SLC5A1: variants seen among roughly 807,000 people sequenced by gnomAD.
The protein encoded by SLC5A1 is sodium/glucose cotransporter 1.
SLC5A1 carries 42 observed loss-of-function variants against 73.5 expected under a neutral mutation model. That is an observed-to-expected ratio of 0.57 (90% CI 0.45 to 0.74). SLC5A1 has a LOEUF of 0.74. Ranked by LOEUF, SLC5A1 falls within the 30% of genes least tolerant of loss-of-function variation. SLC5A1 has a pLI of 0.00. For missense variants in SLC5A1, 634 were observed against 855.4 expected, an observed-to-expected ratio of 0.74 and a Z score of 3.23; for synonymous variants, 300 against 317.4, an observed-to-expected ratio of 0.95 and a Z score of 0.58.
intron 11 of SLC5A1, 74 bp from the exon 12 acceptor site, chr22:32,099,098 AAAAAAAAATAT>A (rs1263538808): frequency 1.3e-4 from 21 of 164,436 alleles, no homozygotes; most frequent in Non-Finnish European, 1.5e-4. Context: ...AAAAAAAAAA[AAAAAAAAATAT>A]ATATATATAT....
intron 5 of SLC5A1, among the ~76,000 whole-genome samples, chr22:32,074,918 A>C (rs1321879132): frequency 6.6e-6 from 1 of 151,930 alleles, no homozygotes; most frequent in African/African-American, 2.4e-5. Flanking sequence ...GTTTACTGAG[A>C]TAGGGTATTG....
rs751372792 is a variant in SLC5A1 at position 32,084,675 on chromosome 22, G to T, written c.885+16G>T. The stretch of plus-strand genomic sequence containing the variant: ...CACAGATCAGGTACCCAAGCTGGAT[G>T]TGCGGGATGGACAGAGTCTTCTCCA... On this transcript the variant is annotated intron_variant, in intron 8 of 14. Coordinates refer to ENST00000266088, the MANE Select transcript of SLC5A1 (RefSeq NM_000343.4). 4 of 1,605,122 alleles carry T rather than the reference G, an allele frequency of 2.5e-6. No homozygotes were observed. The East Asian group carries it at 8.9e-5, about 36-fold the overall frequency.
chr22:32,054,280 C>T (rs1454173212), intron 2 of SLC5A1, among the ~76,000 whole-genome samples: 1 of 152,222 alleles, frequency 6.6e-6, no homozygotes, highest in Non-Finnish European at 1.5e-5. Flanking sequence ...TCCACAACTG[C>T]ATGTTGATAC....
At chr22:32,065,236 C>T (rs1019479516) in intron 2 of SLC5A1, among the ~76,000 whole-genome samples, 3 of 152,198 alleles carry the variant, frequency 2.0e-5, no homozygotes, top group Non-Finnish European at 4.4e-5. Context: ...CATGAGCCAC[C>T]ACACCCAGCC....
intron 2 of SLC5A1, among the ~76,000 whole-genome samples, chr22:32,052,358 A>G (rs2093946165): frequency 6.6e-6 from 1 of 152,194 alleles, no homozygotes; most frequent in Non-Finnish European, 1.5e-5. Context: ...ATCTGATTTT[A>G]TCGTTATGTT....
At chr22:32,108,542 A>C (rs1314695067) in intron 14 of SLC5A1, among the ~76,000 whole-genome samples, 1 of 147,752 alleles carries the variant, frequency 6.8e-6, no homozygotes, top group Non-Finnish European at 1.5e-5. Context: ...GTGTGAGACA[A>C]AAGAGAGAAT....
chr22:32,068,393 C>T (rs895853925), intron 4 of SLC5A1, 103 bp from the exon 5 acceptor site: 7 of 843,964 alleles, frequency 8.3e-6, no homozygotes, highest in Admixed American at 1.8e-5. Flanking sequence ...GAATCCTTGA[C>T]CACACTTCTG....
chr22:32,089,869 G>A (rs779032902), intron 10 of SLC5A1, among the ~76,000 whole-genome samples: 6 of 152,222 alleles, frequency 3.9e-5, no homozygotes, highest in Admixed American at 1.3e-4. Context: ...GCCTCAGCAG[G>A]TGTCCCCCTG....
chr22:32,083,792 T>G (rs2094003717), intron 7 of SLC5A1, among the ~76,000 whole-genome samples: 1 of 152,200 alleles, frequency 6.6e-6, no homozygotes, highest in Admixed American at 6.5e-5. Flanking sequence ...CAAGGCCCAC[T>G]GTGTATCCTG....
At chr22:32,083,246 C>A (rs1370300382) in intron 7 of SLC5A1, 92 bp downstream of exon 7, 13 of 1,034,934 alleles carry the variant, frequency 1.3e-5, no homozygotes, top group Non-Finnish European at 1.5e-6. Flanking sequence ...ACCTGCTTGC[C>A]AGACTAGGCA....
At chr22:32,066,154 T>C (rs944297977) in intron 2 of SLC5A1, among the ~76,000 whole-genome samples, 2 of 152,222 alleles carry the variant, frequency 1.3e-5, no homozygotes, top group African/African-American at 4.8e-5. Context: ...CACAGTCTTA[T>C]TCTCCTTTCC....
At chr22:32,058,912 C>G (rs1428260991) in intron 2 of SLC5A1, among the ~76,000 whole-genome samples, 1 of 152,152 alleles carries the variant, frequency 6.6e-6, no homozygotes, top group African/African-American at 2.4e-5. Context: ...TGGCATGTCC[C>G]TGAGAAGAGT....
At chr22:32,080,234 T>C (rs1230437139) in intron 5 of SLC5A1, among the ~76,000 whole-genome samples, 1 of 152,064 alleles carries the variant, frequency 6.6e-6, no homozygotes, top group African/African-American at 2.4e-5. Flanking sequence ...GATGGTGACA[T>C]TGGGTCCCCT....
In SLC5A1 at chr22:32,043,899, G is replaced by T. The variant is rs368615098; in HGVS notation, c.135+483G>T. Reference sequence around the variant, plus strand: ...ATGCTGAGGTGGCAGACAGAGGGATGCTGACCCATGCCCCACTCCTGGGAG... The same window carrying T: ...ATGCTGAGGTGGCAGACAGAGGGATTCTGACCCATGCCCCACTCCTGGGAG... On this transcript the variant is annotated intron_variant, in intron 1 of 14. Coordinates refer to ENST00000266088, the MANE Select transcript of SLC5A1 (RefSeq NM_000343.4). The surrounding 1 kb of genome is among the most constrained non-coding windows in gnomAD (Gnocchi z 6.5). Among the ~76,000 whole-genome samples, 1 of 152,208 alleles carries T rather than the reference G, an allele frequency of 6.6e-6. No individual in the cohort carries two copies. The highest frequency in any genetic ancestry group is 1.5e-5 in the Non-Finnish European group (1 of 68,038).
intron 2 of SLC5A1, among the ~76,000 whole-genome samples, chr22:32,054,889 GGTCTTGAACTC>G (rs1412627868): frequency 3.3e-5 from 5 of 152,096 alleles, no homozygotes; most frequent in Non-Finnish European, 7.4e-5. Flanking sequence ...TGGCCGGGCT[GGTCTTGAACTC>G]CTGGCCTCAT....
chr22:32,055,799 G>C (rs1323858103), intron 2 of SLC5A1, among the ~76,000 whole-genome samples: 1 of 152,150 alleles, frequency 6.6e-6, no homozygotes, highest in African/African-American at 2.4e-5. Context: ...AAAAGCAAAT[G>C]AAATACATGG....
intron 2 of SLC5A1, among the ~76,000 whole-genome samples, chr22:32,065,601 T>C (rs983728813): frequency 6.6e-5 from 10 of 152,186 alleles, no homozygotes; most frequent in African/African-American, 2.2e-4. Flanking sequence ...TTCTTGAGAG[T>C]AGGGATTTTG....
At position 32,102,234 on chromosome 22, in the gene SLC5A1, G is replaced by C. The variant is rs1477175664; in HGVS notation, c.1662G>C (p.Val554=). The part of the protein sequence containing the change: ...ISLLTKPIPD[V]HLYRLCWSLR... ...TCCTCACCAAACCCATTCCGGATGT[G>C]CATGTGAGTATCCATTTAGGGGATC... The change falls in exon 13 of 15, where the codon GTG becomes GTC. Residue 554 remains valine, a synonymous_variant. Coordinates refer to ENST00000266088, the MANE Select transcript of SLC5A1 (RefSeq NM_000343.4). 10 of 1,607,550 alleles carry C rather than the reference G, an allele frequency of 6.2e-6. No individual in the cohort carries two copies. The highest frequency in any genetic ancestry group is 1.7e-4 in the Middle Eastern group (1 of 5,978).
intron 2 of SLC5A1, among the ~76,000 whole-genome samples, chr22:32,056,437 C>CTTTTTTTT (rs35843263): frequency 3.3e-5 from 4 of 121,608 alleles, no homozygotes; most frequent in African/African-American, 9.1e-5. Flanking sequence ...ACCTTCCTGT[C>CTTTTTTTT]TTTTTTTTTT....
Sources: gnomAD v4.1 joint callset for allele counts (sites outside exome capture counted in the v4.1 genomes callset) on GRCh38, gnomAD v4.1.1 for gene constraint, Gnocchi (gnomAD v3.1) non-coding constraint, MANE v1.5 for transcripts, NCBI Gene and HGNC (gene_info 2026-07-23, HGNC 2026-07-21) for gene names.